Variants in MKLN1 observed in about 807,000 individuals in gnomAD.
MKLN1 encodes the protein muskelin.
In MKLN1, 18 loss-of-function variants were observed where a neutral mutation model predicts 99.0. That is an observed-to-expected ratio of 0.18 (90% CI 0.13 to 0.27). The LOEUF (loss-of-function observed/expected upper bound fraction) is 0.27, where lower values mean the gene tolerates loss of function less well. Among genes scored for constraint, MKLN1 ranks in the 10% least tolerant of loss-of-function variants. The pLI is 1.00. For synonymous variants in MKLN1, 288 were observed against 293.2 expected, an observed-to-expected ratio of 0.98 and a Z score of 0.18; for missense variants, 621 against 875.9, an observed-to-expected ratio of 0.71 and a Z score of 3.67.
chr7:131,135,166 AG>A (rs1373658684), intron 1 of MKLN1, among the ~76,000 whole-genome samples: 1 of 152,236 alleles, frequency 6.6e-6, no homozygotes, highest in Non-Finnish European at 1.5e-5. Flanking sequence ...TCTGTCGCCC[AG>A]GCTGGAGTGC....
At chr7:131,166,574 C>T (rs1373996367) in intron 2 of MKLN1, among the ~76,000 whole-genome samples, 1 of 152,176 alleles carries the variant, frequency 6.6e-6, no homozygotes, top group Non-Finnish European at 1.5e-5. Context: ...AAACATTGCC[C>T]GACATGGGTC....
intron 3 of MKLN1, among the ~76,000 whole-genome samples, chr7:131,252,192 A>T (rs1200844065): frequency 6.6e-6 from 1 of 152,210 alleles, no homozygotes; most frequent in Non-Finnish European, 1.5e-5. Context: ...GATACCTCAC[A>T]GATGCATGGT....
In MKLN1 at chr7:131,347,458, C is replaced by T. The variant is rs145747511; in HGVS notation, c.98+19461C>T. Among the ~76,000 whole-genome samples, 751 of 152,160 alleles carry T rather than the reference C, an allele frequency of 4.9e-3. 1 individual carries two copies. The highest frequency in any genetic ancestry group is 7.3e-3 in the Admixed American group (112 of 15,290). Reference sequence around the variant, plus strand: ...GCTGTGTATGCTGCAAGAGCATGCACGGCAAGCATACCTGAACCAAGAAGC... The same window carrying T: ...GCTGTGTATGCTGCAAGAGCATGCATGGCAAGCATACCTGAACCAAGAAGC... On this transcript the variant is annotated intron_variant, in intron 1 of 17. Coordinates refer to ENST00000352689, the MANE Select transcript of MKLN1 (RefSeq NM_013255.5).
At chr7:131,245,729 G>A (rs528630349) in intron 3 of MKLN1, among the ~76,000 whole-genome samples, 22 of 152,336 alleles carry the variant, frequency 1.4e-4, no homozygotes, top group African/African-American at 4.6e-4. Flanking sequence ...ATGTAGCCTA[G>A]GTGTGCAGTG....
chr7:131,288,934 C>T (rs1023059573), intron 3 of MKLN1, among the ~76,000 whole-genome samples: 1 of 152,094 alleles, frequency 6.6e-6, no homozygotes, highest in South Asian at 2.1e-4. Context: ...CCTAGTTTGG[C>T]TGTTCACCAT....
At chr7:131,236,347 G>A (rs908803771) in intron 3 of MKLN1, among the ~76,000 whole-genome samples, 8 of 152,074 alleles carry the variant, frequency 5.3e-5, no homozygotes, top group East Asian at 1.9e-4. Context: ...CCCCTTTCTC[G>A]TGGTCACTAT....
At chr7:131,341,216 A>T (rs1799398641) in intron 1 of MKLN1, among the ~76,000 whole-genome samples, 1 of 151,854 alleles carries the variant, frequency 6.6e-6, no homozygotes, top group South Asian at 2.1e-4. Flanking sequence ...TTTATGTACC[A>T]TACGGTTCTT....
intron 17 of MKLN1, among the ~76,000 whole-genome samples, chr7:131,486,309 A>G (rs183162328): frequency 6.6e-6 from 1 of 151,894 alleles, no homozygotes; most frequent in Non-Finnish European, 1.5e-5. Context: ...CCGTTCAGAG[A>G]TAACCTTTGT....
At chr7:131,210,909 G>A (rs1274038599) in intron 3 of MKLN1, among the ~76,000 whole-genome samples, 1 of 151,184 alleles carries the variant, frequency 6.6e-6, no homozygotes, top group Non-Finnish European at 1.5e-5. Context: ...AGGAAATACA[G>A]TATACTGGGT....
chr7:131,266,813 A>C (rs1200869515), intron 3 of MKLN1, among the ~76,000 whole-genome samples: 1 of 151,940 alleles, frequency 6.6e-6, no homozygotes, highest in Non-Finnish European at 1.5e-5. Flanking sequence ...CAGAAGTACC[A>C]GGTCTGCAAG....
chr7:131,421,524 G>A (rs928423389), intron 8 of MKLN1, among the ~76,000 whole-genome samples: 1 of 152,052 alleles, frequency 6.6e-6, no homozygotes, highest in South Asian at 2.1e-4. Flanking sequence ...CTTCTTATTC[G>A]ATCTTGAATG....
intron 12 of MKLN1, among the ~76,000 whole-genome samples, chr7:131,460,207 G>T (rs755215678): frequency 6.6e-6 from 1 of 151,810 alleles, no homozygotes; most frequent in Non-Finnish European, 1.5e-5. Flanking sequence ...TCTGTGATTT[G>T]TCTTTTCCTG....
intron 3 of MKLN1, among the ~76,000 whole-genome samples, chr7:131,264,612 A>C (rs1319969135): frequency 6.6e-6 from 1 of 152,160 alleles, no homozygotes; most frequent in Non-Finnish European, 1.5e-5. Context: ...ACTCTGCCCA[A>C]GGTTGCCCTA....
chr7:131,301,022 C>T (rs4731784), intron 3 of MKLN1, among the ~76,000 whole-genome samples: 73,641 of 152,034 alleles, frequency 0.48, 18,297 homozygotes, highest in Admixed American at 0.6. Flanking sequence ...TAAGACTTAA[C>T]GTGAGAAAGT....
At position 131,392,793 on chromosome 7, in the gene MKLN1, C is replaced by T. The variant is rs571104263; in HGVS notation, c.400+3821C>T. ...GCTAATTTTGTATTTTTAGTAGAGA[C>T]GGGGTTTCTCCATGTTGGTCAGACT... is the stretch of plus-strand genomic sequence containing the variant. On this transcript the variant is annotated intron_variant, in intron 4 of 17. Transcript: ENST00000352689. 5.9e-4 allele frequency among the ~76,000 whole-genome samples: 89 copies of T among 152,066 alleles called. 1 individual carries two copies. The highest frequency in any genetic ancestry group is 1.7e-3 in the African/African-American group (71 of 41,466).
At chr7:131,291,682 T>A (rs1201922363) in intron 3 of MKLN1, among the ~76,000 whole-genome samples, 1 of 150,010 alleles carries the variant, frequency 6.7e-6, no homozygotes, top group Non-Finnish European at 1.5e-5. Flanking sequence ...ATGATGCGAC[T>A]TTTCCCATGG....
chr7:131,372,537 T>C (rs896433578), intron 1 of MKLN1, among the ~76,000 whole-genome samples: 2 of 152,060 alleles, frequency 1.3e-5, no homozygotes, highest in African/African-American at 4.8e-5. Flanking sequence ...TTAACTACTT[T>C]TCCCCTTCAC....
chr7:131,438,435 A>G (rs376212473), intron 10 of MKLN1, among the ~76,000 whole-genome samples: 12 of 149,598 alleles, frequency 8.0e-5, no homozygotes, highest in African/African-American at 2.7e-4. Context: ...TGTTTTGTTT[A>G]TAGTCACAAA....
chr7:131,151,523 A>G (rs1435036979), intron 2 of MKLN1, among the ~76,000 whole-genome samples: 1 of 152,202 alleles, frequency 6.6e-6, no homozygotes, highest in Non-Finnish European at 1.5e-5. Flanking sequence ...TTAGAGCTAT[A>G]TTTTCATAAA....
Sources: gnomAD v4.1 joint callset for allele counts (sites outside exome capture counted in the v4.1 genomes callset) on GRCh38, gnomAD v4.1.1 for gene constraint, MANE v1.5 for transcripts, NCBI Gene and HGNC (gene_info 2026-07-23, HGNC 2026-07-21) for gene names.